The following AAK1 variants were observed in gnomAD, a reference collection of about 807,000 sequenced individuals.
AAK1 encodes AP2 associated kinase 1.
Under a neutral mutation model 116.0 loss-of-function variants are expected in AAK1, and 37 were observed. The observed-to-expected ratio is 0.32, with a 90% CI of 0.25 to 0.42. The LOEUF (loss-of-function observed/expected upper bound fraction) is 0.42, where lower values mean the gene tolerates loss of function less well. AAK1 is among the 10% of genes least tolerant of loss of function. AAK1 has a pLI of 1.00. For synonymous variants in AAK1, 458 were observed against 439.9 expected (o/e 1.04, Z -0.51); for missense variants, 919 against 1,170.6 (o/e 0.79, Z 3.14).
chr2:69,591,494 C>A (rs944996187), intron 2 of AAK1, among the ~76,000 whole-genome samples: 3 of 148,694 alleles, frequency 2.0e-5, no homozygotes, highest in African/African-American at 7.5e-5. Context: ...AAAGTTGGTT[C>A]TATAATTTTT....
intron 2 of AAK1, among the ~76,000 whole-genome samples, chr2:69,630,677 T>C (rs763857488): frequency 1.3e-5 from 2 of 152,230 alleles, no homozygotes; most frequent in Non-Finnish European, 2.9e-5. Context: ...AGCCAAGGGC[T>C]ATTTACCTTC....
At chr2:69,588,372 T>C (rs1345937139) in intron 2 of AAK1, among the ~76,000 whole-genome samples, 1 of 152,242 alleles carries the variant, frequency 6.6e-6, no homozygotes, top group Non-Finnish European at 1.5e-5. Flanking sequence ...TGGGAACTTT[T>C]GCTGATATAG....
intron 5 of AAK1, among the ~76,000 whole-genome samples, chr2:69,539,029 C>G (rs147833352): frequency 6.6e-6 from 1 of 152,218 alleles, no homozygotes; most frequent in East Asian, 1.9e-4. Flanking sequence ...CAGGGATGTG[C>G]GCCTAGAGAT....
chr2:69,558,671 T>C (rs1292487543), intron 2 of AAK1, among the ~76,000 whole-genome samples: 1 of 152,222 alleles, frequency 6.6e-6, no homozygotes, highest in Non-Finnish European at 1.5e-5. Context: ...TGGTCACTAA[T>C]TGTATAGAGG....
chr2:69,642,866 G>T lies in AAK1; in HGVS notation c.163+12C>A, dbSNP rs771595397. The T allele has an allele frequency of 6.2e-7, 1 of 1,613,648 alleles. No homozygotes were observed. Among genetic ancestry groups the T allele is most frequent in the Non-Finnish European group, 8.5e-7 (1 of 1,179,866 alleles). On this transcript the variant is annotated intron_variant, in intron 2 of 21. Transcript: ENST00000409085. ...AAGATTTTAATTTACGGCGCATTGAGCCCCACCGTACCTTCCGCCAACACC... is the reference window on the plus strand; with the variant it reads ...AAGATTTTAATTTACGGCGCATTGATCCCCACCGTACCTTCCGCCAACACC...
At chr2:69,554,398 C>A (rs12617329) in intron 3 of AAK1, among the ~76,000 whole-genome samples, 78,442 of 152,032 alleles carry the variant, frequency 0.52, 22,301 homozygotes, top group East Asian at 0.77. Flanking sequence ...AAAACAAGAC[C>A]ATTAATAATT....
intron 7 of AAK1, 82 bp from the exon 8 acceptor site, chr2:69,530,222 C>T (rs1670195900): frequency 2.2e-6 from 3 of 1,388,864 alleles, no homozygotes; most frequent in Non-Finnish European, 2.9e-6. Context: ...CTGGCACCAT[C>T]CACATTTACT....
In AAK1 at chr2:69,582,732, A is replaced by G. The variant is rs928795533; in HGVS notation, c.164-25754T>C. ...AGTCCACACTCCACAAACAGTGTCC[A>G]ACAAGAAGTGGTGGTCAAAAGGAAG... On this transcript the variant is annotated intron_variant, in intron 2 of 21. Transcript: ENST00000409085. Among the ~76,000 whole-genome samples the G allele has an allele frequency of 4.6e-5, 7 of 152,374 alleles. No homozygotes were observed. The East Asian group carries it at 1.3e-3, about 29-fold the overall frequency.
intron 18 of AAK1, chr2:69,482,356 C>CAA (rs879659957): frequency 1.8e-3 from 733 of 410,954 alleles, no homozygotes; most frequent in Middle Eastern, 3.0e-3. Flanking sequence ...CTGTCTCAAA[C>CAA]AAAAAAAAAA....
chr2:69,541,766 C>T (rs1670732866), intron 5 of AAK1, among the ~76,000 whole-genome samples: 1 of 152,162 alleles, frequency 6.6e-6, no homozygotes, highest in Non-Finnish European at 1.5e-5. Flanking sequence ...CTGCATTTAA[C>T]AAGCATGCTA....
At chr2:69,496,942 T>C (rs1490637474) in intron 16 of AAK1, among the ~76,000 whole-genome samples, 2 of 152,156 alleles carry the variant, frequency 1.3e-5, no homozygotes, top group Admixed American at 6.5e-5. Flanking sequence ...TAACATACTA[T>C]TGGCATTCAT....
At chr2:69,640,801 C>G (rs1282397346) in intron 2 of AAK1, among the ~76,000 whole-genome samples, 1 of 152,208 alleles carries the variant, frequency 6.6e-6, no homozygotes, top group Non-Finnish European at 1.5e-5. Context: ...CAGTCACTTC[C>G]TTCAGAAATC....
At chr2:69,601,069 T>C (rs1374450563) in intron 2 of AAK1, among the ~76,000 whole-genome samples, 1 of 152,228 alleles carries the variant, frequency 6.6e-6, no homozygotes, top group Non-Finnish European at 1.5e-5. Context: ...AAACACTTAG[T>C]AGACTATAGT....
rs141085291 is a variant in AAK1 at position 69,587,461 on chromosome 2, GTA to G, written c.164-30485_164-30484del. The stretch of plus-strand genomic sequence containing the variant: ...TATGTGTATATGTATATATGTGTGT[GTA>G]TATATATATATATATTTTTTTGATG... On this transcript the variant is annotated intron_variant, in intron 2 of 21. Coordinates refer to ENST00000409085, the MANE Select transcript of AAK1 (RefSeq NM_014911.5). 4.0e-3 allele frequency among the ~76,000 whole-genome samples: 550 copies of G among 137,672 alleles called. 6 individuals are homozygous for G. Among genetic ancestry groups the G allele is most frequent in the African/African-American group, 0.015 (508 of 33,018 alleles). The allele number at this position is 137,672 out of a possible 152,430, so 90.3% of individuals were successfully genotyped here.
intron 5 of AAK1, among the ~76,000 whole-genome samples, chr2:69,539,227 G>A (rs1286070105): frequency 1.3e-5 from 2 of 152,222 alleles, no homozygotes; most frequent in African/African-American, 4.8e-5. Context: ...AGTCACAAAG[G>A]AGCCAGAAGC....
Position 69,467,041 on chromosome 2 carries a change from C to T in AAK1, c.*8828G>A. ...CTCTCTGAAAAGAAGCAGAATGTGG[C>T]TGCTTGATAAATGCAAGTTTACTTG... On this transcript the variant is annotated 3_prime_UTR_variant, in exon 22 of 22. Coordinates refer to ENST00000409085, the MANE Select transcript of AAK1 (RefSeq NM_014911.5). 1.0e-6 allele frequency: 1 copy of T among 985,452 alleles called. No individual in the cohort carries two copies. The highest frequency in any genetic ancestry group is 4.7e-5 in the South Asian group (1 of 21,286). The allele number at this position is 985,452 out of a possible 1,614,324, so 61.0% of individuals were successfully genotyped here.
chr2:69,613,431 T>A (rs1354516892), intron 2 of AAK1, among the ~76,000 whole-genome samples: 2 of 152,176 alleles, frequency 1.3e-5, no homozygotes, highest in African/African-American at 4.8e-5. Flanking sequence ...AGTGTCTTTT[T>A]GTAAGTGAAT....
intron 18 of AAK1, chr2:69,482,390 A>T: frequency 1.8e-6 from 1 of 543,100 alleles, no homozygotes. Context: ...GCTAAATTTC[A>T]TTAAGTTCAG....
At chr2:69,640,082 C>G (rs925032592) in intron 2 of AAK1, among the ~76,000 whole-genome samples, 3 of 135,404 alleles carry the variant, frequency 2.2e-5, no homozygotes, top group Non-Finnish European at 3.0e-5. Context: ...CTCTCTCTCC[C>G]CCCCCACATA....
Sources: allele counts gnomAD v4.1 joint callset (sites outside exome capture counted in the v4.1 genomes callset), GRCh38; gene constraint gnomAD v4.1.1; transcripts MANE v1.5; gene names NCBI Gene and HGNC (gene_info 2026-07-23, HGNC 2026-07-21).